Variants in RTEL1 observed in about 807,000 individuals in gnomAD.
The protein encoded by RTEL1 is regulator of telomere length.
A neutral mutation model predicts 162.2 loss-of-function variants in RTEL1; 86 were observed. The ratio of observed to expected loss-of-function variants is 0.53; its 90% confidence interval spans 0.45 to 0.63. The LOEUF (loss-of-function observed/expected upper bound fraction) is 0.63, where lower values mean the gene tolerates loss of function less well. Ranked by LOEUF, RTEL1 falls within the 30% of genes least tolerant of loss-of-function variation. RTEL1 has a pLI of 0.00. For synonymous variants in RTEL1, 958 were observed against 717.9 expected (o/e 1.33, Z -5.35); for missense variants, 1,941 against 1,750.2 (o/e 1.11, Z -1.95).
chr20:63,664,257 G>C (rs2090078499), intron 6 of RTEL1, among the ~76,000 whole-genome samples: 1 of 152,182 alleles, frequency 6.6e-6, no homozygotes, highest in South Asian at 2.1e-4. Flanking sequence ...CGTCATTTCC[G>C]AGGTCCTCAC....
intron 30 of RTEL1, among the ~76,000 whole-genome samples, chr20:63,693,497 C>CACG (rs1460393019): frequency 3.2e-5 from 3 of 93,942 alleles, no homozygotes; most frequent in Non-Finnish European, 4.7e-5. Context: ...CCACCTCCAC[C>CACG]TCCACCACCA....
intron 10 of RTEL1, among the ~76,000 whole-genome samples, chr20:63,674,836 C>T (rs1425789941): frequency 6.6e-6 from 1 of 152,144 alleles, no homozygotes; most frequent in East Asian, 1.9e-4. Context: ...TATTTCCACA[C>T]AGCGCTAGTC....
chr20:63,691,649 C>T (rs2090747394), intron 27 of RTEL1, 93 bp from the exon 28 acceptor site: 1 of 1,152,612 alleles, frequency 8.7e-7, no homozygotes, highest in Non-Finnish European at 1.3e-6. Flanking sequence ...CTCAGGGCTC[C>T]TTGGGACCAT....
chr20:63,689,572 C>A lies in RTEL1; in HGVS notation c.1949C>A (p.Pro650Gln), dbSNP rs776264501. The change falls in exon 23 of 35, where the codon CCA (proline) becomes CAA (glutamine). Residue 650 changes from proline (P) to glutamine (Q), a missense_variant. Physicochemically the swap from Pro to Gln is moderately conservative, Grantham distance 76 (BLOSUM62 -1). Transcript: ENST00000360203. ...ATTGTCACGGGCCTCCCGTACCCCC[C>A]ACGCATGGACCCCCGGGTTGTCCTC... ...GVIVTGLPYP[P>Q]RMDPRVVLKM... is the part of the protein sequence containing the mutation. The A allele has an allele frequency of 6.8e-6, 11 of 1,612,138 alleles. No individual in the cohort carries two copies. The highest frequency in any genetic ancestry group is 1.3e-5 in the African/African-American group (1 of 74,928).
At chr20:63,680,099 C>T (rs2090450925) in intron 13 of RTEL1, among the ~76,000 whole-genome samples, 153 bp downstream of exon 13, 2 of 152,224 alleles carry the variant, frequency 1.3e-5, no homozygotes, top group South Asian at 4.1e-4. Flanking sequence ...GGCGTGGAGG[C>T]GTTAGTGCCA....
chr20:63,679,203 G>A (rs1380664676), intron 12 of RTEL1, among the ~76,000 whole-genome samples: 1 of 152,166 alleles, frequency 6.6e-6, no homozygotes, highest in Non-Finnish European at 1.5e-5. Context: ...GCCTGTGTGG[G>A]GGCTCTCCTG....
chr20:63,681,278 T>G, intron 14 of RTEL1: 1 of 985,422 alleles, frequency 1.0e-6, no homozygotes, highest in Non-Finnish European at 1.2e-6. Context: ...CTGCTTTCCC[T>G]GGCGTAGAGG....
rs2090022487 is a variant in RTEL1, at chr20:63,661,627, G to A, written c.301+131G>A. 3 of 1,063,638 alleles carry A rather than the reference G, an allele frequency of 2.8e-6. No individual in the cohort carries two copies. The highest frequency in any genetic ancestry group is 4.0e-6 in the Non-Finnish European group (3 of 745,478). The allele number at this position is 1,063,638 out of a possible 1,614,324, so 65.9% of individuals were successfully genotyped here. On this transcript the variant is annotated intron_variant, in intron 3 of 34. Coordinates refer to ENST00000360203, the MANE Select transcript of RTEL1 (RefSeq NM_001283009.2). The surrounding 1 kb of genome is among the most constrained non-coding windows in gnomAD (Gnocchi z 5.1). The stretch of plus-strand genomic sequence containing the variant: ...AGAACTCAAGGAGAATTTTTTAGCT[G>A]CTGTATAATTTCTCGCCATCGTGGG...
At chr20:63,658,632 G>A (rs2089957470) in intron 1 of RTEL1, 166 bp downstream of exon 1, 1 of 152,328 alleles carries the variant, frequency 6.6e-6, no homozygotes, top group Non-Finnish European at 1.5e-5. Context: ...CTGCGCTCGT[G>A]GCGCTGGCGC....
At chr20:63,660,324 C>G (rs1257767758) in intron 2 of RTEL1, among the ~76,000 whole-genome samples, 1 of 152,210 alleles carries the variant, frequency 6.6e-6, no homozygotes, top group Admixed American at 6.5e-5. Context: ...TTCAGACTAT[C>G]ACATGGAGAG....
At chr20:63,693,437 C>A (rs937271766) in intron 30 of RTEL1, among the ~76,000 whole-genome samples, 154 bp downstream of exon 30, 1 of 144,522 alleles carries the variant, frequency 6.9e-6, no homozygotes, top group Non-Finnish European at 1.5e-5. Flanking sequence ...CCTCCACCAC[C>A]AGCACCAGCA....
chr20:63,692,587 C>A (rs2090776096), intron 28 of RTEL1: 2 of 592,082 alleles, frequency 3.4e-6, no homozygotes, highest in East Asian at 5.6e-5. Flanking sequence ...CAGTTCCCTG[C>A]CAGCCTCTCA....
chr20:63,675,006 C>T (rs1291551906), intron 10 of RTEL1, among the ~76,000 whole-genome samples: 2 of 151,930 alleles, frequency 1.3e-5, no homozygotes, highest in African/African-American at 4.8e-5. Context: ...CTCCTGGGTT[C>T]AAGCAATTCT....
At chr20:63,690,984 C>G in intron 27 of RTEL1, 37 bp downstream of exon 27, 1 of 1,527,308 alleles carries the variant, frequency 6.5e-7, no homozygotes, top group Non-Finnish European at 8.8e-7. Context: ...CACAGACCCT[C>G]TGTCTCCTGA....
chr20:63,690,768 C>G (rs755353569), intron 26 of RTEL1, 37 bp from the exon 27 acceptor site: 2 of 1,568,664 alleles, frequency 1.3e-6, no homozygotes, highest in African/African-American at 1.4e-5. Context: ...GCTGGGGCCC[C>G]CCGTGGGCTT....
intron 4 of RTEL1, 117 bp from the exon 5 acceptor site, chr20:63,662,429 G>A (rs1177622144): frequency 6.4e-7 from 1 of 1,559,082 alleles, no homozygotes; most frequent in Admixed American, 2.0e-5. Context: ...TTTCAGTTAT[G>A]CTCACTTCCT....
Position 63,674,240 on chromosome 20 carries a change from C to T in RTEL1, c.919+147C>T, listed in dbSNP as rs914064700. On this transcript the variant is annotated intron_variant, in intron 10 of 34. Transcript: ENST00000360203. ...AGGCCCGTGCTACTGCAGTGGGCAG[C>T]CTGCCCTGTGGCTGTGTGTGGTCGG... 16 of 1,401,720 alleles carry T rather than the reference C, an allele frequency of 1.1e-5. No homozygotes were observed. In the Middle Eastern group the frequency reaches 7.9e-4, roughly 69 times the overall value. 86.8% of individuals were successfully genotyped at this position (1,401,720 alleles called of 1,614,324 possible).
intron 2 of RTEL1, 150 bp downstream of exon 2, chr20:63,659,654 C>T: frequency 3.0e-6 from 2 of 673,526 alleles, no homozygotes; most frequent in African/African-American, 3.6e-5. Context: ...CAGGTGGGGT[C>T]AGAGAGAGGA....
At position 63,664,570 on chromosome 20, in the gene RTEL1, C is replaced by G. The variant is rs956899735; in HGVS notation, c.539-1434C>G. Among the ~76,000 whole-genome samples the G allele has an allele frequency of 2.0e-5, 3 of 152,292 alleles. No homozygotes were observed. In the South Asian group the frequency reaches 6.2e-4, roughly 32 times the overall value. ...CCTCCTCCAGGCCTGTGGACTCAGA[C>G]CAGGAAGACACAGGCCAGCCCCTGC... On this transcript the variant is annotated intron_variant, in intron 6 of 34. Coordinates refer to ENST00000360203, the MANE Select transcript of RTEL1 (RefSeq NM_001283009.2).
Sources: gnomAD v4.1 joint callset for allele counts (sites outside exome capture counted in the v4.1 genomes callset) on GRCh38, gnomAD v4.1.1 for gene constraint, Gnocchi (gnomAD v3.1) non-coding constraint, MANE v1.5 for transcripts, NCBI Gene and HGNC (gene_info 2026-07-23, HGNC 2026-07-21) for gene names.